Variants in SAMMSON observed in about 807,000 individuals in gnomAD.
SAMMSON encodes long intergenic non-protein coding RNA 1212.
intron 4 of SAMMSON, among the ~76,000 whole-genome samples, chr3:70,110,834 T>C (rs1239188458): frequency 6.6e-6 from 1 of 152,142 alleles, no homozygotes; most frequent in Non-Finnish European, 1.5e-5. Flanking sequence ...CGCCACCTAC[T>C]TGAAAAGTTG....
chr3:70,343,478 A>G (rs999314950), intron 7 of SAMMSON, among the ~76,000 whole-genome samples: 5 of 152,070 alleles, frequency 3.3e-5, no homozygotes, highest in African/African-American at 1.2e-4. Flanking sequence ...ATGTCCATCA[A>G]TGGGGATTTG....
intron 3 of SAMMSON, among the ~76,000 whole-genome samples, chr3:70,023,739 A>G (rs1437247993): frequency 6.6e-6 from 1 of 152,134 alleles, no homozygotes; most frequent in Non-Finnish European, 1.5e-5. Flanking sequence ...GCAAGGTATG[A>G]TCTCTATTTC....
At chr3:70,112,441 T>C (rs116228707) in intron 4 of SAMMSON, among the ~76,000 whole-genome samples, 2,054 of 151,940 alleles carry the variant, frequency 0.014, 44 homozygotes, top group African/African-American at 0.046. Flanking sequence ...AATGGAAACA[T>C]TGGAAGGAAA....
intron 6 of SAMMSON, among the ~76,000 whole-genome samples, chr3:70,252,936 C>T (rs183855266): frequency 1.2e-4 from 18 of 151,874 alleles, no homozygotes; most frequent in Admixed American, 2.0e-4. Context: ...AAAAATTAGC[C>T]GGCTGTGGTG....
At chr3:70,135,068 A>C (rs1033106780) in intron 4 of SAMMSON, among the ~76,000 whole-genome samples, 8 of 152,180 alleles carry the variant, frequency 5.3e-5, no homozygotes, top group Non-Finnish European at 1.0e-4. Flanking sequence ...GGCCAGCTTA[A>C]ATCTTTATTT....
chr3:70,116,310 T>TTTTTTTA (rs2067411060), intron 4 of SAMMSON, among the ~76,000 whole-genome samples: 2 of 150,336 alleles, frequency 1.3e-5, no homozygotes, highest in African/African-American at 2.4e-5. Context: ...TTTTTTTTTT[T>TTTTTTTA]AAAGAAAATA....
At chr3:70,333,852 C>G (rs73104700) in intron 7 of SAMMSON, among the ~76,000 whole-genome samples, 20,384 of 152,174 alleles carry the variant, frequency 0.13, 1,457 homozygotes, top group South Asian at 0.18. Context: ...TGTGAAGAAA[C>G]TGCTAGAAAC....
At chr3:70,395,333 T>C (rs563533787) in intron 2 of SAMMSON, among the ~76,000 whole-genome samples, 217 of 92,420 alleles carry the variant, frequency 2.3e-3, no homozygotes, top group South Asian at 7.5e-3. Flanking sequence ...CTCTCTCTCT[T>C]TTTTTTTTTT....
chr3:70,187,768 A>G (rs952195995), intron 4 of SAMMSON, among the ~76,000 whole-genome samples: 11 of 151,944 alleles, frequency 7.2e-5, no homozygotes, highest in Admixed American at 2.0e-4. Flanking sequence ...CCTCACCCAT[A>G]TGTAGTCCAT....
At chr3:70,291,366 A>G (rs1160610146) in intron 7 of SAMMSON, 3 of 152,182 alleles carry the variant, frequency 2.0e-5, no homozygotes, top group Non-Finnish European at 4.4e-5. Flanking sequence ...GAACAGTGTT[A>G]TATGAATACT....
At chr3:70,150,690 T>C (rs749803193) in intron 4 of SAMMSON, among the ~76,000 whole-genome samples, 4 of 152,110 alleles carry the variant, frequency 2.6e-5, no homozygotes, top group Non-Finnish European at 4.4e-5. Context: ...TAGAGGTAAC[T>C]GTAAGATTAC....
intron 3 of SAMMSON, among the ~76,000 whole-genome samples, chr3:70,050,717 G>T (rs950938203): frequency 6.6e-6 from 1 of 152,032 alleles, no homozygotes; most frequent in Non-Finnish European, 1.5e-5. Context: ...ATGATCAGTT[G>T]GTTGACTCGA....
At chr3:70,158,244 C>T (rs1237701864) in intron 4 of SAMMSON, among the ~76,000 whole-genome samples, 2 of 152,044 alleles carry the variant, frequency 1.3e-5, no homozygotes, top group Non-Finnish European at 2.9e-5. Context: ...AACCACTAAT[C>T]TATTTTCTGT....
chr3:70,062,807 G>C (rs1559783514), intron 3 of SAMMSON, among the ~76,000 whole-genome samples: 1 of 152,082 alleles, frequency 6.6e-6, no homozygotes, highest in Non-Finnish European at 1.5e-5. Context: ...GTTCATCTCT[G>C]AGTTTGGTGT....
At chr3:70,125,597 G>A (rs966561123) in intron 4 of SAMMSON, 16 of 698,438 alleles carry the variant, frequency 2.3e-5, no homozygotes, top group Non-Finnish European at 3.4e-5. Context: ...TCACAATTTT[G>A]TTTCTTCTCT....
chr3:70,369,315 A>C (rs565260103), intron 9 of SAMMSON, among the ~76,000 whole-genome samples: 8 of 151,828 alleles, frequency 5.3e-5, no homozygotes, highest in Admixed American at 5.3e-4. Flanking sequence ...CTGTGAGTAA[A>C]GACAGTTTTA....
At chr3:70,041,015 A>G (rs2067104440) in intron 3 of SAMMSON, among the ~76,000 whole-genome samples, 1 of 152,140 alleles carries the variant, frequency 6.6e-6, no homozygotes, top group South Asian at 2.1e-4. Context: ...TGACGTTACC[A>G]GGGGCATTTA....
intron 4 of SAMMSON, among the ~76,000 whole-genome samples, chr3:70,201,146 C>G (rs1701234081): frequency 6.6e-6 from 1 of 151,846 alleles, no homozygotes; most frequent in Non-Finnish European, 1.5e-5. Flanking sequence ...ATTTCATCAC[C>G]CAGGTATTAA....
At chr3:70,071,454 T>C (rs947377029) in intron 3 of SAMMSON, 15 of 152,084 alleles carry the variant, frequency 9.9e-5, no homozygotes, top group African/African-American at 3.6e-4. Flanking sequence ...ATGCTGGTTT[T>C]TTTTTCTTTT....
Sources: gnomAD v4.1 joint callset for allele counts (sites outside exome capture counted in the v4.1 genomes callset) on GRCh38, gnomAD v4.1.1 for gene constraint, MANE v1.5 for transcripts, NCBI Gene and HGNC (gene_info 2026-07-23, HGNC 2026-07-21) for gene names.